WDR62: variants seen among roughly 807,000 people sequenced by gnomAD.
The protein encoded by WDR62 is WD repeat domain 62, also known as WD repeat-containing protein 62.
WDR62 carries 112 observed loss-of-function variants against 160.6 expected under a neutral mutation model. The ratio of observed to expected loss-of-function variants is 0.70; its 90% CI spans 0.60 to 0.82. The LOEUF (loss-of-function observed/expected upper bound fraction) is 0.82, where lower values mean the gene tolerates loss of function less well. WDR62 is among the 40% of genes least tolerant of loss of function. WDR62 has a pLI of 0.00. For synonymous variants in WDR62, 792 were observed against 815.1 expected (o/e 0.97, Z 0.48); for missense variants, 1,819 against 1,983.8 (o/e 0.92, Z 1.58).
At chr19:36,088,601 T>C (rs1972396370) in intron 13 of WDR62, among the ~76,000 whole-genome samples, 1 of 152,182 alleles carries the variant, frequency 6.6e-6, no homozygotes, top group Non-Finnish European at 1.5e-5. Flanking sequence ...GGATGGGTGG[T>C]GAGCATTCAG....
intron 19 of WDR62, 136 bp downstream of exon 19, chr19:36,092,947 C>G: frequency 7.6e-7 from 1 of 1,311,302 alleles, no homozygotes; most frequent in Non-Finnish European, 1.1e-6. Flanking sequence ...GTAGGGGAGA[C>G]AGACTTTGAA....
downstream of WDR62, among the ~76,000 whole-genome samples, chr19:36,105,618 G>A (rs967814995): frequency 4.6e-5 from 7 of 152,020 alleles, 1 homozygote; most frequent in Non-Finnish European, 7.4e-5. Flanking sequence ...AGGCTGAGGT[G>A]GGAGGATCGC....
chr19:36,102,353 CT>C (rs1973414898), intron 26 of WDR62: 7 of 702,794 alleles, frequency 1.0e-5, no homozygotes, highest in Non-Finnish European at 1.7e-5. Flanking sequence ...CTCCGACTCC[CT>C]GGTTCAAGCA....
rs766728725 is a variant in WDR62, at chr19:36,055,020, A to G, written c.49A>G (p.Lys17Glu). The G allele has an allele frequency of 5.6e-6, 9 of 1,608,326 alleles. No individual in the cohort carries two copies. The African/African-American group carries it at 1.2e-4, about 21-fold the overall frequency. ...CTATGCGCGGAACGATGCAGGGGAG[A>G]AGCTGCCCTCTGTCATGGCGGGAGT... ...GGYARNDAGEKLPSVMAGVPA... is the reference protein window; with the variant it reads ...GGYARNDAGEELPSVMAGVPA... Residue 17 changes from lysine (K) to glutamate (E), a missense_variant, in exon 1 of 32, where the codon AAG becomes GAG. Physicochemically the swap from Lys to Glu is moderately conservative, Grantham distance 56. Coordinates refer to ENST00000401500, the MANE Select transcript of WDR62 (RefSeq NM_001083961.2).
At chr19:36,083,404 G>A (rs143898118) in intron 11 of WDR62, among the ~76,000 whole-genome samples, 163 bp downstream of exon 11, 5 of 152,322 alleles carry the variant, frequency 3.3e-5, no homozygotes, top group African/African-American at 4.8e-5. Context: ...ACTTAAGCTC[G>A]TAAGAGGCTT....
At chr19:36,080,430 A>G (rs1203021953) in intron 9 of WDR62, among the ~76,000 whole-genome samples, 1 of 135,422 alleles carries the variant, frequency 7.4e-6, no homozygotes, top group Non-Finnish European at 1.6e-5. Flanking sequence ...TTATTTTTTT[A>G]TTTTTATTTT....
chr19:36,101,309 C>T lies in WDR62; in HGVS notation c.2963C>T (p.Pro988Leu), dbSNP rs753553053. 1.1e-5 allele frequency: 17 copies of T among 1,610,160 alleles called. No individual in the cohort carries two copies. Among genetic ancestry groups the T allele is most frequent in the Middle Eastern group, 1.7e-4 (1 of 6,058 alleles). Residue 988 changes from proline (P) to leucine (L), a missense_variant, in exon 24 of 32, where the codon CCG becomes CTG. Pro to Leu is a moderately conservative substitution (Grantham distance 98). Around this residue, in one of 3 missense-constraint regions of WDR62, gnomAD observed 770 missense variants for 734.2 expected, o/e 1.05. Coordinates refer to ENST00000401500, the MANE Select transcript of WDR62 (RefSeq NM_001083961.2). ...TCCGACAGCCCAAAGGACCAGAGCC[C>T]GCCTGAGGGTGAGTGCAGGGCAGGC... Reference protein sequence around the residue: ...VSSDSPKDQSPPEDSGESEAD... With the variant: ...VSSDSPKDQSLPEDSGESEAD...
At chr19:36,092,101 A>G (rs965780475) in intron 18 of WDR62, among the ~76,000 whole-genome samples, 1 of 152,016 alleles carries the variant, frequency 6.6e-6, no homozygotes, top group African/African-American at 2.4e-5. Context: ...ATCTGAGGTC[A>G]GGAGTTCAAG....
intron 15 of WDR62, among the ~76,000 whole-genome samples, chr19:36,089,673 C>T (rs556952064): frequency 2.0e-5 from 3 of 152,318 alleles, no homozygotes; most frequent in Admixed American, 6.5e-5. Context: ...GAACTCCTGA[C>T]CTCAGGTGAT....
rs1970278386 is a variant in WDR62 at position 36,055,073 on chromosome 19, G to GC, written c.108dup (p.Ala37ArgfsTer43). On this transcript the variant is annotated frameshift_variant, in exon 1 of 32. Coordinates refer to ENST00000401500, the MANE Select transcript of WDR62 (RefSeq NM_001083961.2). LOFTEE classifies it high-confidence loss of function. The stretch of plus-strand genomic sequence containing the variant: ...CGGCGCGGAGGGGCCAGTCCTCCCC[G>GC]CCCCCCGCCCCACCAATCTGCCTAC... 1.3e-6 allele frequency: 2 copies of GC among 1,587,574 alleles called. No homozygotes were observed. Among genetic ancestry groups the GC allele is most frequent in the Non-Finnish European group, 1.7e-6 (2 of 1,167,696 alleles).
At position 36,092,670 on chromosome 19, in the gene WDR62, C is replaced by G. The variant is rs759756257; in HGVS notation, c.2211-19C>G. The G allele has an allele frequency of 5.5e-5, 89 of 1,613,838 alleles. No individual in the cohort carries two copies. The highest frequency in any genetic ancestry group is 1.6e-4 in the Middle Eastern group (1 of 6,084). ...CTTACTCTTCCTCTGCCTTGTGTGT[C>G]TCTCTTTGACCTCCGCAGCTGCGTG... On this transcript the variant is annotated intron_variant, in intron 18 of 31. Transcript: ENST00000401500.
intron 3 of WDR62, chr19:36,060,346 G>T: frequency 2.5e-6 from 1 of 400,112 alleles, no homozygotes; most frequent in Non-Finnish European, 4.7e-6. Flanking sequence ...AGAATAGGAG[G>T]AAAGCCTTAT....
In WDR62 at chr19:36,103,621, C is replaced by G; in HGVS notation, c.3793C>G (p.Leu1265Val). The change falls in exon 30 of 32, where the codon CTT (leucine) becomes GTT (valine). Residue 1265 changes from leucine to valine, a missense_variant. Around this residue, in one of 3 missense-constraint regions of WDR62, gnomAD observed 770 missense variants for 734.2 expected, o/e 1.05. Coordinates refer to ENST00000401500, the MANE Select transcript of WDR62 (RefSeq NM_001083961.2). The stretch of plus-strand genomic sequence containing the variant: ...GGAGCTGGCCTCCTTGGGCCAGGAG[C>G]TTCAGGCCATCACCACCGCGACAAC... ...VGELASLGQE[L>V]QAITTATTPS... is the part of the protein sequence containing the mutation. The G allele has an allele frequency of 6.2e-7, 1 of 1,610,408 alleles. No individual in the cohort carries two copies. The highest frequency in any genetic ancestry group is 8.5e-7 in the Non-Finnish European group (1 of 1,179,438).
Position 36,101,424 on chromosome 19 carries a change from C to T in WDR62, c.2971+107C>T, listed in dbSNP as rs1013593634. On this transcript the variant is annotated intron_variant, in intron 24 of 31. Transcript: ENST00000401500. ...CCCAGTACTGAAGCTCAGAGTCTGT[C>T]GAGGAAGACACATGTGGTCCCTGCT... 65 of 1,071,982 alleles carry T rather than the reference C, an allele frequency of 6.1e-5. 1 individual carries two copies. The highest frequency in any genetic ancestry group is 1.5e-4 in the South Asian group (11 of 74,020). 66.4% of individuals were successfully genotyped at this position (1,071,982 alleles called of 1,614,324 possible).
chr19:36,085,413 C>CTTTTTTTTTTTTTTTT (rs1568349717), intron 12 of WDR62, among the ~76,000 whole-genome samples: 1 of 47,216 alleles, frequency 2.1e-5, no homozygotes. Flanking sequence ...CCACACCTGA[C>CTTTTTTTTTTTTTTTT]CTTTTTTTTT....
At chr19:36,071,858 C>A in intron 8 of WDR62, 142 bp downstream of exon 8, 2 of 1,193,830 alleles carry the variant, frequency 1.7e-6, no homozygotes, top group South Asian at 1.6e-5. Context: ...CATTACAAAG[C>A]AGAAAAGTCC....
chr19:36,077,672 C>T (rs1208364844), intron 9 of WDR62, among the ~76,000 whole-genome samples: 2 of 151,958 alleles, frequency 1.3e-5, no homozygotes, highest in Non-Finnish European at 2.9e-5. Flanking sequence ...TCTCGGCTCA[C>T]TGCAACCTCC....
At chr19:36,073,654 G>A (rs576780547) in intron 9 of WDR62, 123 bp downstream of exon 9, 1 of 826,376 alleles carries the variant, frequency 1.2e-6, no homozygotes, top group African/African-American at 1.7e-5. Flanking sequence ...ATCAGGCCCT[G>A]TCCTAGGTGC....
chr19:36,071,202 CAA>C (rs111636638), intron 7 of WDR62: 580 of 229,480 alleles, frequency 2.5e-3, no homozygotes, highest in Middle Eastern at 8.5e-3. Flanking sequence ...AACTCTATCT[CAA>C]AAAAAAAAAA....
Sources: allele counts gnomAD v4.1 joint callset (sites outside exome capture counted in the v4.1 genomes callset), GRCh38; gene constraint gnomAD v4.1.1; regional missense constraint gnomAD v4.1.1; transcripts MANE v1.5; gene names NCBI Gene and HGNC (gene_info 2026-07-23, HGNC 2026-07-21).